DRC7: variants seen among roughly 807,000 people sequenced by gnomAD.
The protein encoded by DRC7 is coiled-coil domain containing 135.
Under a neutral mutation model 104.4 loss-of-function variants are expected in DRC7, and 80 were observed. The observed-to-expected ratio is 0.77, with a 90% CI of 0.64 to 0.92. DRC7 has a LOEUF of 0.92. Among genes scored for constraint, DRC7 ranks in the 40% least tolerant of loss-of-function variants. DRC7 has a pLI of 0.00. For synonymous variants in DRC7, 405 were observed against 447.3 expected (o/e 0.91, Z 1.19); for missense variants, 1,034 against 1,141.1 (o/e 0.91, Z 1.35).
chr16:57,705,262 C>T (rs1296092330), intron 7 of DRC7, among the ~76,000 whole-genome samples: 2 of 152,086 alleles, frequency 1.3e-5, no homozygotes, highest in Non-Finnish European at 2.9e-5. Flanking sequence ...CCTGGGGCAG[C>T]CCATTCTATG....
chr16:57,721,531 A>C (rs145873078), intron 9 of DRC7, 136 bp from the exon 10 acceptor site: 28 of 665,278 alleles, frequency 4.2e-5, no homozygotes, highest in Admixed American at 7.5e-5. Context: ...GGTCGTGCTC[A>C]TGACCTCCAG....
At chr16:57,722,203 G>T (rs1298994100) in intron 10 of DRC7, among the ~76,000 whole-genome samples, 1 of 152,178 alleles carries the variant, frequency 6.6e-6, no homozygotes, top group Non-Finnish European at 1.5e-5. Flanking sequence ...TATGGGGAGG[G>T]CATGGGCCAC....
chr16:57,724,813 A>G lies in DRC7; in HGVS notation c.1736A>G (p.Glu579Gly). The G allele has an allele frequency of 3.1e-6, 5 of 1,613,478 alleles. No individual in the cohort carries two copies. Among genetic ancestry groups the G allele is most frequent in the Non-Finnish European group, 4.2e-6 (5 of 1,179,900 alleles). ...AAGAAGCTCACTCTGAGCAGTGCAGAGTCAAACCCCCGGCCCATTGTGGTA... is the reference window on the plus strand; with the variant it reads ...AAGAAGCTCACTCTGAGCAGTGCAGGGTCAAACCCCCGGCCCATTGTGGTA... ...RVKKLTLSSA[E>G]SNPRPIVKIT... Residue 579 changes from glutamate (E) to glycine (G), a missense_variant, in exon 13 of 19, where the codon GAG (glutamate) becomes GGG (glycine). Coordinates refer to ENST00000360716, the MANE Select transcript of DRC7 (RefSeq NM_001289162.2).
At chr16:57,703,989 A>G (rs1342854021) in intron 6 of DRC7, among the ~76,000 whole-genome samples, 6 of 142,310 alleles carry the variant, frequency 4.2e-5, no homozygotes, top group Admixed American at 7.0e-5. Context: ...AAAAAAAAAA[A>G]AGCCTCTGAG....
rs1221924311 is a variant in DRC7, at chr16:57,707,476, AGCCGGATGCCCT to A, written c.878_889del (p.Pro293_Leu296del). 1.9e-6 allele frequency: 3 copies of A among 1,612,658 alleles called. No homozygotes were observed. The highest frequency in any genetic ancestry group is 1.7e-5 in the Admixed American group (1 of 59,988). ...CCTTGGCAGGAAGCGGAGAAGGCAA[AGCCGGATGCCCT>A]GCACGGCCTGCGGGTGCACTCCTGG... On this transcript the variant is annotated inframe_deletion, in exon 8 of 19. Transcript: ENST00000360716.
At chr16:57,698,795 A>C in intron 3 of DRC7, 55 bp from the exon 4 acceptor site, 1 of 1,567,882 alleles carries the variant, frequency 6.4e-7, no homozygotes, top group Non-Finnish European at 8.7e-7. Flanking sequence ...CAGTGGAACC[A>C]GGGCTCCTGT....
intron 18 of DRC7, 24 bp downstream of exon 18, chr16:57,731,094 A>G: frequency 6.2e-7 from 1 of 1,613,674 alleles, no homozygotes. Flanking sequence ...GCAGGTGGAG[A>G]GAACCCACTG....
intron 3 of DRC7, 51 bp downstream of exon 3, chr16:57,698,203 C>G: frequency 6.2e-7 from 1 of 1,609,970 alleles, no homozygotes; most frequent in Non-Finnish European, 8.5e-7. Flanking sequence ...GGGCTGGGCA[C>G]AGGGAGACCC....
chr16:57,712,464 C>T lies in DRC7; in HGVS notation c.1077+4786C>T, dbSNP rs146803586. On this transcript the variant is annotated intron_variant, in intron 8 of 18. Transcript: ENST00000360716. ...GAGCCCCCAGCTTGGAAGTCAAGTC[C>T]CACCTTCTGGTCAGTAAGTCCCACC... Among the ~76,000 whole-genome samples, 57 of 152,244 alleles carry T rather than the reference C, an allele frequency of 3.7e-4. No individual in the cohort carries two copies. In the East Asian group the frequency reaches 0.01, roughly 28 times the overall value.
intron 8 of DRC7, among the ~76,000 whole-genome samples, chr16:57,716,502 G>GAAAAA (rs57994446): frequency 6.2e-4 from 74 of 118,860 alleles, no homozygotes; most frequent in African/African-American, 1.6e-3. Flanking sequence ...GACTCCATCT[G>GAAAAA]AAAAAAAAAA....
intron 12 of DRC7, among the ~76,000 whole-genome samples, chr16:57,723,611 C>G (rs552377528): frequency 6.6e-6 from 1 of 151,876 alleles, no homozygotes; most frequent in Non-Finnish European, 1.5e-5. Flanking sequence ...GCTTGTAATC[C>G]CAGCTACTCA....
At chr16:57,715,843 T>C (rs563041386) in intron 8 of DRC7, among the ~76,000 whole-genome samples, 3 of 152,318 alleles carry the variant, frequency 2.0e-5, no homozygotes, top group Non-Finnish European at 4.4e-5. Flanking sequence ...CCAGCCTGAA[T>C]GTCCTCATCT....
intron 7 of DRC7, among the ~76,000 whole-genome samples, 160 bp downstream of exon 7, chr16:57,705,194 C>T (rs1159882198): frequency 6.6e-6 from 1 of 152,074 alleles, no homozygotes; most frequent in African/African-American, 2.4e-5. Flanking sequence ...GCAGGAATCT[C>T]CCACTGGTGG....
Position 57,698,123 on chromosome 16 carries a change from G to A in DRC7, c.174G>A (p.Glu58=), listed in dbSNP as rs1300882688. 1 of 1,614,174 alleles carries A rather than the reference G, an allele frequency of 6.2e-7. No homozygotes were observed. The highest frequency in any genetic ancestry group is 1.3e-5 in the African/African-American group (1 of 75,058). The change falls in exon 3 of 19, where the codon GAG becomes GAA. Residue 58 remains glutamate, a synonymous_variant. Coordinates refer to ENST00000360716, the MANE Select transcript of DRC7 (RefSeq NM_001289162.2). ...TLRDLEKKLS[E]IQITVSAELP... is the part of the protein sequence containing the mutation. The stretch of plus-strand genomic sequence containing the variant: ...GAGACCTGGAGAAGAAGCTGTCAGA[G>A]ATCCAGATCACTGTCTCAGCGGAGC...
chr16:57,723,789 ATT>A (rs34976140), intron 12 of DRC7, among the ~76,000 whole-genome samples: 1 of 150,164 alleles, frequency 6.7e-6, no homozygotes, highest in African/African-American at 2.5e-5. Flanking sequence ...AGTAATATAC[ATT>A]TTTTTTAAAT....
chr16:57,721,040 G>A (rs1407133229), intron 9 of DRC7, among the ~76,000 whole-genome samples: 6 of 151,922 alleles, frequency 3.9e-5, no homozygotes, highest in South Asian at 2.1e-4. Context: ...CTCCTCCCCC[G>A]GCCGTCTCTA....
rs779871835 is a variant in DRC7 at position 57,726,205 on chromosome 16, C to T, written c.1896C>T (p.Arg632=). Residue 632 remains arginine (R), a synonymous_variant, in exon 14 of 19, where the codon CGC becomes CGT. Coordinates refer to ENST00000360716, the MANE Select transcript of DRC7 (RefSeq NM_001289162.2). ...CREDHITASK[R]EFLRRTEVDS... ...AGGACCACATCACGGCCTCCAAGCG[C>T]GAGTTCCTGCGGCGCACCGAGGTGG... The T allele has an allele frequency of 6.2e-7, 1 of 1,613,140 alleles. No individual in the cohort carries two copies.
intron 17 of DRC7, among the ~76,000 whole-genome samples, chr16:57,728,804 A>AGGTGGGTGGGTG (rs1214940869): frequency 1.8e-4 from 3 of 16,928 alleles, no homozygotes; most frequent in African/African-American, 2.3e-4. Context: ...AGGTATGGAT[A>AGGTGGGTGGGTG]GGTGGGTGGG....
chr16:57,719,286 G>A (rs540187854), intron 9 of DRC7, among the ~76,000 whole-genome samples: 11 of 152,272 alleles, frequency 7.2e-5, no homozygotes, highest in East Asian at 5.8e-4. Context: ...AAGTGCATTC[G>A]TCTGGCATCA....
Sources: allele counts gnomAD v4.1 joint callset (sites outside exome capture counted in the v4.1 genomes callset), GRCh38; gene constraint gnomAD v4.1.1; transcripts MANE v1.5; gene names NCBI Gene and HGNC (gene_info 2026-07-23, HGNC 2026-07-21).